Variants in CPED1 observed in about 807,000 individuals in gnomAD.
CPED1 encodes the protein cadherin-like and PC-esterase domain-containing protein 1.
In CPED1, 114 loss-of-function variants were observed where a neutral mutation model predicts 128.2. That is an observed-to-expected ratio of 0.89 (90% CI 0.76 to 1.04). The LOEUF is 1.04. Ranked by LOEUF, CPED1 falls within the 50% of genes least tolerant of loss-of-function variation. CPED1 has a pLI of 0.00. For missense variants in CPED1, 1,211 were observed against 1,207.1 expected (o/e 1.00, Z -0.05); for synonymous variants, 462 against 426.7 (o/e 1.08, Z -1.02).
chr7:121,201,397 A>G (rs772950287), intron 16 of CPED1, among the ~76,000 whole-genome samples: 4 of 151,848 alleles, frequency 2.6e-5, no homozygotes, highest in Non-Finnish European at 5.9e-5. Flanking sequence ...ACGCCACTGC[A>G]CTCCAGCCTG....
chr7:121,288,906 TTAAA>T (rs933284376), intron 22 of CPED1, among the ~76,000 whole-genome samples: 4 of 152,232 alleles, frequency 2.6e-5, no homozygotes, highest in African/African-American at 7.2e-5. Context: ...AAATGTTTTC[TTAAA>T]TAAACTTCCT....
intron 7 of CPED1, 43 bp from the exon 8 acceptor site, chr7:121,124,288 G>A (rs1584528993): frequency 1.9e-6 from 3 of 1,546,724 alleles, no homozygotes; most frequent in Non-Finnish European, 2.6e-6. Flanking sequence ...TAGACAAACT[G>A]AGGCTATTGT....
intron 2 of CPED1, among the ~76,000 whole-genome samples, chr7:121,009,264 A>G (rs1425873560): frequency 1.3e-5 from 2 of 151,888 alleles, no homozygotes; most frequent in African/African-American, 2.4e-5. Flanking sequence ...GTGTTGGACC[A>G]TGGAATCTGA....
At chr7:121,124,279 A>G in intron 7 of CPED1, 52 bp from the exon 8 acceptor site, 2 of 1,512,280 alleles carry the variant, frequency 1.3e-6, no homozygotes, top group Middle Eastern at 1.8e-4. Context: ...TGAAAATGAT[A>G]GACAAACTGA....
chr7:121,224,756 A>G lies in CPED1; in HGVS notation c.2056-11958A>G, dbSNP rs182122893. Among the ~76,000 whole-genome samples the G allele has an allele frequency of 2.8e-3, 281 of 101,172 alleles. 2 individuals are homozygous for G. The highest frequency in any genetic ancestry group is 9.8e-3 in the African/African-American group (252 of 25,836). 66.4% of individuals were successfully genotyped at this position (101,172 alleles called of 152,430 possible). On this transcript the variant is annotated intron_variant, in intron 16 of 22. Transcript: ENST00000310396. Reference sequence around the variant, plus strand: ...TTTGATCTTTGTTGGTTTAAAGTCTATTTTATCAGAGACTAGGATTGCAAC... The same window carrying G: ...TTTGATCTTTGTTGGTTTAAAGTCTGTTTTATCAGAGACTAGGATTGCAAC...
chr7:121,295,779 A>T lies in CPED1; in HGVS notation c.*127A>T, dbSNP rs762013823. On this transcript the variant is annotated 3_prime_UTR_variant, in exon 23 of 23. Transcript: ENST00000310396. ...CACACACACTTGTGCACACCAGCAC[A>T]TGCATGCACACCAGTACACACACAG... 3.7e-4 allele frequency: 252 copies of T among 675,602 alleles called. 2 individuals are homozygous for T. Among genetic ancestry groups the T allele is most frequent in the Middle Eastern group, 6.9e-4 (2 of 2,904 alleles). The allele number at this position is 675,602 out of a possible 1,614,324, so 41.9% of individuals were successfully genotyped here.
At chr7:121,245,981 C>T (rs1798520923) in intron 18 of CPED1, among the ~76,000 whole-genome samples, 1 of 151,978 alleles carries the variant, frequency 6.6e-6, no homozygotes, top group Non-Finnish European at 1.5e-5. Context: ...GTGTGAGCCA[C>T]CATGCCCAGC....
At chr7:121,128,541 A>C (rs1795567311) in intron 11 of CPED1, 55 bp downstream of exon 11, 1 of 867,302 alleles carries the variant, frequency 1.2e-6, no homozygotes, top group Non-Finnish European at 2.0e-6. Context: ...AGAGTAGATC[A>C]CTGTAAGCTA....
chr7:121,235,327 T>G (rs2099050504), intron 16 of CPED1, among the ~76,000 whole-genome samples: 1 of 152,148 alleles, frequency 6.6e-6, no homozygotes, highest in Non-Finnish European at 1.5e-5. Context: ...TTTTCTAATT[T>G]TAGTCAGTAT....
intron 22 of CPED1, 83 bp from the exon 23 acceptor site, chr7:121,295,357 G>C: frequency 1.4e-6 from 2 of 1,470,670 alleles, no homozygotes; most frequent in Non-Finnish European, 1.8e-6. Context: ...TGGCAGAGAT[G>C]CATGTTCAAG....
At chr7:121,181,039 G>A (rs139419637) in intron 16 of CPED1, among the ~76,000 whole-genome samples, 2 of 152,120 alleles carry the variant, frequency 1.3e-5, no homozygotes, top group East Asian at 1.9e-4. Flanking sequence ...TTTCCATCAT[G>A]TTCAAGAAAT....
At chr7:121,156,976 C>A (rs1480856982) in intron 16 of CPED1, among the ~76,000 whole-genome samples, 1 of 152,100 alleles carries the variant, frequency 6.6e-6, no homozygotes, top group East Asian at 1.9e-4. Flanking sequence ...AGTTGAATTG[C>A]TTGATATGTA....
At position 121,125,681 on chromosome 7, in the gene CPED1, T is replaced by A. The variant is rs1363749074; in HGVS notation, c.1062-139T>A. The A allele has an allele frequency of 1.5e-5, 10 of 650,406 alleles. No homozygotes were observed. In the Admixed American group the frequency reaches 1.6e-4, roughly 10 times the overall value. The allele number at this position is 650,406 out of a possible 1,614,324, so 40.3% of individuals were successfully genotyped here. A position where few individuals can be genotyped will look rare whatever the true frequency, so the allele number is the denominator to read the frequency against. On this transcript the variant is annotated intron_variant, in intron 8 of 22. Coordinates refer to ENST00000310396, the MANE Select transcript of CPED1 (RefSeq NM_024913.5). The stretch of plus-strand genomic sequence containing the variant: ...GCTGCATAGTATTCCATGGTGTGTA[T>A]GTGCCACATTTTCTTTATCCAGTCT...
In CPED1 at chr7:121,064,314, G is replaced by T. The variant is rs1563011693; in HGVS notation, c.616+1G>T. ...TGTCAAATAGTTAGAAGATTCCCAG[G>T]TAATCTTTCGTTTGCTTCCTTAGGC... On this transcript the variant is annotated splice_donor_variant, in intron 5 of 22. Coordinates refer to ENST00000310396, the MANE Select transcript of CPED1 (RefSeq NM_024913.5). LOFTEE classifies it high-confidence loss of function. 1 of 1,607,454 alleles carries T rather than the reference G, an allele frequency of 6.2e-7. No homozygotes were observed. The highest frequency in any genetic ancestry group is 8.5e-7 in the Non-Finnish European group (1 of 1,174,146).
intron 11 of CPED1, among the ~76,000 whole-genome samples, chr7:121,128,826 T>G (rs555483704): frequency 6.6e-4 from 101 of 152,148 alleles, no homozygotes; most frequent in Non-Finnish European, 1.4e-3. Flanking sequence ...CCAAAAGTTA[T>G]TTCTGCTTAT....
At chr7:121,026,335 C>A (rs1385301046) in intron 3 of CPED1, among the ~76,000 whole-genome samples, 1 of 152,106 alleles carries the variant, frequency 6.6e-6, no homozygotes, top group African/African-American at 2.4e-5. Context: ...ACATCTGTCA[C>A]CAAGCCCTGT....
At chr7:121,052,392 G>C (rs1793376924) in intron 4 of CPED1, among the ~76,000 whole-genome samples, 2 of 152,178 alleles carry the variant, frequency 1.3e-5, no homozygotes, top group Admixed American at 1.3e-4. Flanking sequence ...TGACTCTTTT[G>C]TCCCCTCTCC....
chr7:121,292,334 G>A (rs1308329810), intron 22 of CPED1, among the ~76,000 whole-genome samples: 1 of 151,642 alleles, frequency 6.6e-6, no homozygotes, highest in African/African-American at 2.4e-5. Context: ...TATGCTTCAT[G>A]AAGTTCTCGT....
intron 16 of CPED1, among the ~76,000 whole-genome samples, chr7:121,173,429 C>T (rs1796700516): frequency 6.6e-6 from 1 of 152,050 alleles, no homozygotes; most frequent in Non-Finnish European, 1.5e-5. Context: ...AAGTAGGTCC[C>T]AGTATCTATT....
Sources: allele counts gnomAD v4.1 joint callset (sites outside exome capture counted in the v4.1 genomes callset), GRCh38; gene constraint gnomAD v4.1.1; transcripts MANE v1.5; gene names NCBI Gene and HGNC (gene_info 2026-07-23, HGNC 2026-07-21).